The following LMTK3 variants were observed in gnomAD, a reference collection of about 807,000 sequenced individuals.
LMTK3 encodes serine/threonine-protein kinase LMTK3.
Under a neutral mutation model 116.7 loss-of-function variants are expected in LMTK3, and 27 were observed. That is an observed-to-expected ratio of 0.23 (90% CI 0.17 to 0.32). The LOEUF (loss-of-function observed/expected upper bound fraction) is 0.32, where lower values mean the gene tolerates loss of function less well. LMTK3 is among the 10% of genes least tolerant of loss of function. The probability of loss-of-function intolerance (pLI) is 1.00; values close to 1 mark genes in which losing one functional copy is unlikely to be tolerated. For missense variants in LMTK3, 1,764 were observed against 2,068.5 expected (o/e 0.85, Z 2.86); for synonymous variants, 965 against 971.0 (o/e 0.99, Z 0.11).
chr19:48,497,337 G>A lies in LMTK3; in HGVS notation c.3676+56C>T, dbSNP rs1031765037. On this transcript the variant is annotated intron_variant, in intron 11 of 14. Transcript: ENST00000600059. This position sits in a 1 kb window ranked among gnomAD's most constrained non-coding sequence, Gnocchi z 5.7. Reference sequence around the variant, plus strand: ...ACATGTTTACCCACACTCACCCTCCGCACGCCTCGGAAACAGCCGGACCTC... The same window carrying A: ...ACATGTTTACCCACACTCACCCTCCACACGCCTCGGAAACAGCCGGACCTC... The A allele has an allele frequency of 3.4e-5, 48 of 1,407,762 alleles. No homozygotes were observed. In the Admixed American group the frequency reaches 5.8e-4, roughly 17 times the overall value. The allele number at this position is 1,407,762 out of a possible 1,614,324, so 87.2% of individuals were successfully genotyped here.
rs1259032948 is a variant in LMTK3 at position 48,493,813 on chromosome 19, G to A, written c.3973C>T (p.Pro1325Ser). The change falls in exon 12 of 15, where the codon CCG becomes TCG. Residue 1325 changes from proline (P) to serine (S), a missense_variant. This residue lies in a region of LMTK3 where 281 missense variants were observed against 301.4 expected (regional missense o/e 0.93). Coordinates refer to ENST00000600059, the MANE Select transcript of LMTK3 (RefSeq NM_001388485.1). ...GGAGACTTGAGCAGCCCCCGCAGCGGGCGGGCCGCGTCCGCGTCGGCGCTG... is the reference window on the plus strand; with the variant it reads ...GGAGACTTGAGCAGCCCCCGCAGCGAGCGGGCCGCGTCCGCGTCGGCGCTG... ...VSSADADAAR[P>S]LRGLLKSPRG... 6.7e-7 allele frequency: 1 copy of A among 1,503,660 alleles called. No individual in the cohort carries two copies. Among genetic ancestry groups the A allele is most frequent in the South Asian group, 1.2e-5 (1 of 80,868 alleles). The allele number at this position is 1,503,660 out of a possible 1,614,324, so 93.1% of individuals were successfully genotyped here. A position where few individuals can be genotyped will look rare whatever the true frequency, so the allele number is the denominator to read the frequency against.
At chr19:48,502,838 G>T in intron 6 of LMTK3, 71 bp downstream of exon 6, 1 of 1,150,720 alleles carries the variant, frequency 8.7e-7, no homozygotes, top group Non-Finnish European at 1.3e-6. Flanking sequence ...CGAAGCCCAG[G>T]GGCACCAGGC....
At chr19:48,508,160 C>T (rs926240074) in intron 5 of LMTK3, among the ~76,000 whole-genome samples, 6 of 151,994 alleles carry the variant, frequency 3.9e-5, no homozygotes, top group Admixed American at 1.3e-4. Context: ...TGTCAGACTG[C>T]GCAGGGCCTG....
In LMTK3 at chr19:48,502,284, G is replaced by A. The variant is rs895659355; in HGVS notation, c.794+149C>T. The A allele has an allele frequency of 9.9e-6, 9 of 905,682 alleles. No homozygotes were observed. In the African/African-American group the frequency reaches 1.6e-4, roughly 16 times the overall value. The allele number at this position is 905,682 out of a possible 1,614,324, so 56.1% of individuals were successfully genotyped here. A position where few individuals can be genotyped will look rare whatever the true frequency, so the allele number is the denominator to read the frequency against. On this transcript the variant is annotated intron_variant, in intron 7 of 14. Coordinates refer to ENST00000600059, the MANE Select transcript of LMTK3 (RefSeq NM_001388485.1). ...CCCTCCTGGTCCCGCCTCCTCTCCT[G>A]GCCCCTTCTCCTCCATACCCTCCTC...
intron 3 of LMTK3, 65 bp from the exon 4 acceptor site, chr19:48,509,578 C>G: frequency 1.5e-6 from 2 of 1,358,384 alleles, no homozygotes; most frequent in South Asian, 1.4e-5. Context: ...CCAACACACC[C>G]CAGGTCAGTG....
In LMTK3 at chr19:48,509,784, C is replaced by T. The variant is rs181093792; in HGVS notation, c.361+239G>A. On this transcript the variant is annotated intron_variant, in intron 3 of 14. Transcript: ENST00000600059. The stretch of plus-strand genomic sequence containing the variant: ...CTGAGACTGTGCTCTATGGTAATCT[C>T]ACCACCGCTTGCCCCTTAAAAATCC... 4.9e-4 allele frequency among the ~76,000 whole-genome samples: 74 copies of T among 152,288 alleles called. No individual in the cohort carries two copies. The Middle Eastern group carries it at 0.01, about 21-fold the overall frequency.
At position 48,491,685 on chromosome 19, in the gene LMTK3, G is replaced by A. The variant is rs1972229951; in HGVS notation, c.4093-146C>T. 1.3e-6 allele frequency: 1 copy of A among 767,252 alleles called. No homozygotes were observed. The allele number at this position is 767,252 out of a possible 1,614,324, so 47.5% of individuals were successfully genotyped here. Reference sequence around the variant, plus strand: ...TCACTGACTCGCACGCTCTGGAGAGGTGGCTGGAGCCCCTAATCTGGCTTC... The same window carrying A: ...TCACTGACTCGCACGCTCTGGAGAGATGGCTGGAGCCCCTAATCTGGCTTC... On this transcript the variant is annotated intron_variant, in intron 12 of 14. Transcript: ENST00000600059. The surrounding 1 kb of genome is among the most constrained non-coding windows in gnomAD (Gnocchi z 5.1).
chr19:48,503,931 G>T (rs530726945), intron 5 of LMTK3, among the ~76,000 whole-genome samples: 1 of 149,084 alleles, frequency 6.7e-6, no homozygotes, highest in African/African-American at 2.4e-5. Context: ...GCAATGGAGT[G>T]ATCTCAGCTC....
At chr19:48,506,591 G>A (rs141798084) in intron 5 of LMTK3, among the ~76,000 whole-genome samples, 1 of 152,176 alleles carries the variant, frequency 6.6e-6, no homozygotes, top group Non-Finnish European at 1.5e-5. Context: ...GTGTGTAACC[G>A]CGGCTCTGCT....
Position 48,498,866 on chromosome 19 carries a change from G to T in LMTK3, c.2203C>A (p.Pro735Thr). The T allele has an allele frequency of 1.6e-6, 2 of 1,214,892 alleles. No individual in the cohort carries two copies. The highest frequency in any genetic ancestry group is 2.1e-6 in the Non-Finnish European group (2 of 956,486). 75.3% of individuals were successfully genotyped at this position (1,214,892 alleles called of 1,614,324 possible). The change falls in exon 11 of 15, where the codon CCC (proline) becomes ACC (threonine). Residue 735 changes from proline to threonine, a missense_variant. Around this residue, in one of 7 missense-constraint regions of LMTK3, gnomAD observed 1,028 missense variants for 1,050.6 expected, o/e 0.98. Coordinates refer to ENST00000600059, the MANE Select transcript of LMTK3 (RefSeq NM_001388485.1). ...PASAPPEFLD[P>T]LMGAAAPQYP... The stretch of plus-strand genomic sequence containing the variant: ...TGGGGCGCCGCCGCCCCCATGAGGG[G>T]GTCCAGAAACTCGGGGGGGGCCGAG...
At position 48,485,625 on chromosome 19, in the gene LMTK3, A is replaced by G. The variant is rs1489245768; in HGVS notation, c.*148T>C. The G allele has an allele frequency of 6.8e-5, 53 of 777,106 alleles. No homozygotes were observed. The highest frequency in any genetic ancestry group is 1.6e-4 in the East Asian group (5 of 31,384). The allele number at this position is 777,106 out of a possible 1,614,324, so 48.1% of individuals were successfully genotyped here. On this transcript the variant is annotated 3_prime_UTR_variant, in exon 15 of 15. Transcript: ENST00000600059. ...GGGCCCGGGGCCTCCCGTTTGGCAC[A>G]TGGTAGGGGAGTGGGAGGGGGAGGG...
intron 12 of LMTK3, 133 bp downstream of exon 12, chr19:48,493,560 GC>G: frequency 2.6e-6 from 1 of 385,484 alleles, no homozygotes. Flanking sequence ...TTCAGGCCCC[GC>G]CCCACTCCAG....
chr19:48,492,333 T>C (rs112808340), intron 12 of LMTK3, among the ~76,000 whole-genome samples: 1,650 of 152,312 alleles, frequency 0.011, 24 homozygotes, highest in African/African-American at 0.037. Flanking sequence ...GGACTACAGA[T>C]GCGCACCACC....
chr19:48,488,135 CCAGCCCTGCCAGCT>C (rs1173881100), intron 14 of LMTK3, among the ~76,000 whole-genome samples: 1 of 152,154 alleles, frequency 6.6e-6, no homozygotes, highest in African/African-American at 2.4e-5. Flanking sequence ...TTCTCGCTTG[CCAGCCCTGCCAGCT>C]CAGCCCTGAC....
At position 48,485,591 on chromosome 19, in the gene LMTK3, G is replaced by C. The variant is rs1406706207; in HGVS notation, c.*182C>G. On this transcript the variant is annotated 3_prime_UTR_variant, in exon 15 of 15. Coordinates refer to ENST00000600059, the MANE Select transcript of LMTK3 (RefSeq NM_001388485.1). ...GGTCAGGGGAGCCATCTGGGGGGCT[G>C]GGGGGCGGGGGCCCGGGGCCTCCCG... 3.2e-6 allele frequency: 2 copies of C among 624,908 alleles called. No individual in the cohort carries two copies. The highest frequency in any genetic ancestry group is 5.9e-5 in the East Asian group (2 of 34,144). 38.7% of individuals were successfully genotyped at this position (624,908 alleles called of 1,614,324 possible). A position where few individuals can be genotyped will look rare whatever the true frequency, so the allele number is the denominator to read the frequency against.
At chr19:48,513,251 C>A (rs1972690955), upstream of LMTK3, 1 of 1,259,788 alleles carries the variant, frequency 7.9e-7, no homozygotes, top group East Asian at 2.5e-5. This position sits in a 1 kb window ranked among gnomAD's most constrained non-coding sequence, Gnocchi z 5.6. Context: ...TTAGTCTGTG[C>A]CAGGTATCGT....
intron 4 of LMTK3, 55 bp from the exon 5 acceptor site, chr19:48,509,024 T>A (rs1972613954): frequency 8.2e-7 from 1 of 1,214,882 alleles, no homozygotes; most frequent in African/African-American, 1.5e-5. Context: ...CCCCGTCCCC[T>A]GGGACCAGCT....
rs978933613 is a variant in LMTK3 at position 48,485,432 on chromosome 19, A to AGT, written c.*339_*340dup. On this transcript the variant is annotated 3_prime_UTR_variant, in exon 15 of 15. Transcript: ENST00000600059. Reference sequence around the variant, plus strand: ...CCTGCGGCCCCTGTCTTGGGCCAGGAGTGGGTGAGGAGGGACCTCCGCTGT... The same window carrying AGT: ...CCTGCGGCCCCTGTCTTGGGCCAGGAGTGTGGGTGAGGAGGGACCTCCGCTGT... The AGT allele has an allele frequency of 8.3e-5, 21 of 252,466 alleles. No individual in the cohort carries two copies. The highest frequency in any genetic ancestry group is 4.8e-4 in the African/African-American group (21 of 43,812). The allele number at this position is 252,466 out of a possible 1,614,324, so 15.6% of individuals were successfully genotyped here.
intron 12 of LMTK3, among the ~76,000 whole-genome samples, chr19:48,493,424 T>C (rs1972261807): frequency 1.1e-5 from 1 of 89,086 alleles, no homozygotes. Context: ...TCCCCTTAGG[T>C]CCCACCCCAA....
Sources: gnomAD v4.1 joint callset for allele counts (sites outside exome capture counted in the v4.1 genomes callset) on GRCh38, gnomAD v4.1.1 for gene constraint, gnomAD v4.1.1 regional missense constraint, Gnocchi (gnomAD v3.1) non-coding constraint, MANE v1.5 for transcripts, NCBI Gene and HGNC (gene_info 2026-07-23, HGNC 2026-07-21) for gene names.